PRKCH: variants seen among roughly 807,000 people sequenced by gnomAD.
The protein encoded by PRKCH is protein kinase C eta type.
In PRKCH, 28 loss-of-function variants were observed where a neutral mutation model predicts 82.5. That is an observed-to-expected ratio of 0.34 (90% CI 0.25 to 0.47). The LOEUF (loss-of-function observed/expected upper bound fraction) is 0.47. Ranked by LOEUF, PRKCH falls within the 20% of genes least tolerant of loss-of-function variation. The pLI is 1.00. For missense variants in PRKCH, 705 were observed against 881.8 expected (o/e 0.80, Z 2.54); for synonymous variants, 322 against 327.4 (o/e 0.98, Z 0.18).
chr14:61,193,765 A>G (rs1167014791), intron 1 of PRKCH, among the ~76,000 whole-genome samples: 3 of 152,222 alleles, frequency 2.0e-5, no homozygotes, highest in African/African-American at 7.2e-5. Context: ...TATTGTAGGG[A>G]TACAAGAGAC....
At chr14:61,374,110 C>T (rs1432215853) in intron 1 of PRKCH, among the ~76,000 whole-genome samples, 1 of 152,162 alleles carries the variant, frequency 6.6e-6, no homozygotes, top group Non-Finnish European at 1.5e-5. Context: ...CTACAGGCCC[C>T]ATGCAAGTCC....
At chr14:61,536,481 A>C (rs2043111008) in intron 12 of PRKCH, among the ~76,000 whole-genome samples, 1 of 152,144 alleles carries the variant, frequency 6.6e-6, no homozygotes. Context: ...AGACCTTCAC[A>C]GTGCCTCTCT....
At chr14:61,258,718 T>C (rs1415073604) in intron 1 of PRKCH, among the ~76,000 whole-genome samples, 1 of 152,254 alleles carries the variant, frequency 6.6e-6, no homozygotes, top group East Asian at 1.9e-4. Context: ...CAAATATTAT[T>C]ATTAAAGTTC....
intron 1 of PRKCH, among the ~76,000 whole-genome samples, chr14:61,360,914 G>C (rs2046216216): frequency 6.6e-6 from 1 of 152,200 alleles, no homozygotes; most frequent in African/African-American, 2.4e-5. Flanking sequence ...GGATCGTTCA[G>C]GTCAGGGGTG....
At chr14:61,477,320 T>C (rs745312235) in intron 9 of PRKCH, 2 of 152,248 alleles carry the variant, frequency 1.3e-5, no homozygotes, top group Non-Finnish European at 2.9e-5. Context: ...AACTTTTACG[T>C]GTTATGTCTA....
At chr14:61,207,881 A>G (rs971979508) in intron 1 of PRKCH, among the ~76,000 whole-genome samples, 4 of 152,192 alleles carry the variant, frequency 2.6e-5, no homozygotes, top group Non-Finnish European at 5.9e-5. Flanking sequence ...GTTTCTTCCC[A>G]TGAAACTGCC....
At chr14:61,432,731 C>T (rs865997385) in intron 2 of PRKCH, among the ~76,000 whole-genome samples, 2 of 152,136 alleles carry the variant, frequency 1.3e-5, no homozygotes, top group East Asian at 3.9e-4. Context: ...AAAAGCCTGC[C>T]ACCAGGCACA....
rs377364088 is a variant in PRKCH, at chr14:61,503,250, C to T, written c.1433+17594C>T. Among the ~76,000 whole-genome samples, 18 of 150,218 alleles carry T rather than the reference C, an allele frequency of 1.2e-4. 1 individual carries two copies. Among genetic ancestry groups the T allele is most frequent in the Admixed American group, 7.9e-4 (12 of 15,106 alleles). On this transcript the variant is annotated intron_variant, in intron 10 of 13. Coordinates refer to ENST00000332981, the MANE Select transcript of PRKCH (RefSeq NM_006255.5). ...AGACAGGTTCAAACCCGTCAGAGGC[C>T]GTAACTGAGTTTCCCTGTGACTGAT...
intron 1 of PRKCH, among the ~76,000 whole-genome samples, chr14:61,255,637 G>C (rs2044990471): frequency 6.6e-6 from 1 of 152,076 alleles, no homozygotes; most frequent in Non-Finnish European, 1.5e-5. Context: ...CAAAGTACTT[G>C]GCAAACATTA....
At chr14:61,482,278 T>C (rs530018054) in intron 9 of PRKCH, among the ~76,000 whole-genome samples, 119 of 152,330 alleles carry the variant, frequency 7.8e-4, no homozygotes, top group Middle Eastern at 3.4e-3. Context: ...ATGACAGGCA[T>C]GAGCCACCAC....
chr14:61,337,000 C>T (rs548453560), intron 1 of PRKCH, among the ~76,000 whole-genome samples: 2 of 131,530 alleles, frequency 1.5e-5, no homozygotes, highest in Admixed American at 9.0e-5. Context: ...ACCCAGGAGG[C>T]GAGGTGGAGG....
intron 2 of PRKCH, among the ~76,000 whole-genome samples, chr14:61,442,365 G>A (rs1366120582): frequency 6.6e-6 from 1 of 152,122 alleles, no homozygotes; most frequent in Non-Finnish European, 1.5e-5. Flanking sequence ...ATGGGTTTTG[G>A]ACAGAGCTCT....
intron 10 of PRKCH, among the ~76,000 whole-genome samples, chr14:61,496,598 A>G (rs968873975): frequency 6.6e-6 from 1 of 152,026 alleles, no homozygotes; most frequent in East Asian, 1.9e-4. Flanking sequence ...CTCTGTTCCC[A>G]TGGCATCCCG....
At chr14:61,358,628 G>C (rs746507382) in intron 1 of PRKCH, among the ~76,000 whole-genome samples, 1 of 152,044 alleles carries the variant, frequency 6.6e-6, no homozygotes, top group African/African-American at 2.4e-5. Flanking sequence ...TGTCTAACAG[G>C]GTTTCCACCC....
At chr14:61,480,942 A>T (rs1885943544) in intron 9 of PRKCH, among the ~76,000 whole-genome samples, 1 of 151,924 alleles carries the variant, frequency 6.6e-6, no homozygotes, top group Non-Finnish European at 1.5e-5. Context: ...CTCCAGCCTG[A>T]CTTGCATACC....
In PRKCH at chr14:61,382,069, G is replaced by A. The variant is rs113126028; in HGVS notation, c.364-9156G>A. Among the ~76,000 whole-genome samples, 1,306 of 152,292 alleles carry A rather than the reference G, an allele frequency of 8.6e-3. 17 individuals carry two copies. The highest frequency in any genetic ancestry group is 0.03 in the African/African-American group (1,248 of 41,552). ...TTCACTCTGCAAGCGGTGGAGGTGA[G>A]AGATAATATAGGTCAAGCATTTAGC... On this transcript the variant is annotated intron_variant, in intron 1 of 13. Coordinates refer to ENST00000332981, the MANE Select transcript of PRKCH (RefSeq NM_006255.5).
At chr14:61,510,677 A>T in intron 10 of PRKCH, among the ~76,000 whole-genome samples, 1 of 151,934 alleles carries the variant, frequency 6.6e-6, no homozygotes. Context: ...TAGACTGGGG[A>T]GCCATCTGTC....
intron 10 of PRKCH, among the ~76,000 whole-genome samples, chr14:61,496,316 G>A (rs546697182): frequency 2.6e-4 from 39 of 152,236 alleles, no homozygotes; most frequent in African/African-American, 9.2e-4. Flanking sequence ...TATATTTGAG[G>A]CTCTGGGAAG....
Position 61,450,842 on chromosome 14 carries a change from A to G in PRKCH, c.703A>G (p.Ile235Val), listed in dbSNP as rs762849142. 2 of 1,612,324 alleles carry G rather than the reference A, an allele frequency of 1.2e-6. No individual in the cohort carries two copies. The highest frequency in any genetic ancestry group is 1.7e-6 in the Non-Finnish European group (2 of 1,179,422). Residue 235 changes from isoleucine to valine, a missense_variant and splice_region_variant, in exon 6 of 14, where the codon ATT (isoleucine) becomes GTT (valine). Physicochemically the swap from Ile to Val is conservative, Grantham distance 29. Coordinates refer to ENST00000332981, the MANE Select transcript of PRKCH (RefSeq NM_006255.5). Reference sequence around the variant, plus strand: ...TGTCCCTTTATTTCCTTTTTTACAGATTGCAGAACAGAGGTTCGGGATCAA... The same window carrying G: ...TGTCCCTTTATTTCCTTTTTTACAGGTTGCAGAACAGAGGTTCGGGATCAA... ...QNNINKVDSKIAEQRFGINIP... is the reference protein window; with the variant it reads ...QNNINKVDSKVAEQRFGINIP...
Sources: allele counts gnomAD v4.1 joint callset (sites outside exome capture counted in the v4.1 genomes callset), GRCh38; gene constraint gnomAD v4.1.1; transcripts MANE v1.5; gene names NCBI Gene and HGNC (gene_info 2026-07-23, HGNC 2026-07-21).